Variants in DPP10 observed in about 807,000 individuals in gnomAD.
The protein encoded by DPP10 is inactive dipeptidyl peptidase 10.
Under a neutral mutation model 120.9 loss-of-function variants are expected in DPP10, and 33 were observed. The ratio of observed to expected loss-of-function variants is 0.27; its 90% CI spans 0.21 to 0.37. DPP10 has a LOEUF of 0.37. Ranked by LOEUF, DPP10 falls within the 10% of genes least tolerant of loss-of-function variation. The pLI, the probability that DPP10 is intolerant of heterozygous loss-of-function variation, is 1.00. For missense variants in DPP10, 816 were observed against 942.8 expected (o/e 0.87, Z 1.76); for synonymous variants, 337 against 326.1 (o/e 1.03, Z -0.36).
At chr2:115,303,269 T>C (rs1200410699) in intron 1 of DPP10, among the ~76,000 whole-genome samples, 1 of 152,032 alleles carries the variant, frequency 6.6e-6, no homozygotes, top group African/African-American at 2.4e-5. Context: ...GCAAAAGTTA[T>C]TTGTTTCTTG....
At chr2:115,813,519 A>G (rs972040221) in intron 19 of DPP10, among the ~76,000 whole-genome samples, 3 of 152,192 alleles carry the variant, frequency 2.0e-5, no homozygotes, top group Admixed American at 6.5e-5. Context: ...TAAAGGACCT[A>G]TCTCCAAATA....
At chr2:115,026,521 G>GT (rs1703470883) in intron 1 of DPP10, among the ~76,000 whole-genome samples, 1 of 151,606 alleles carries the variant, frequency 6.6e-6, no homozygotes, top group Non-Finnish European at 1.5e-5. Flanking sequence ...CCATATAATT[G>GT]TTTTTTCTAT....
chr2:115,745,689 T>TA (rs975508031), intron 9 of DPP10, among the ~76,000 whole-genome samples: 1 of 150,436 alleles, frequency 6.6e-6, no homozygotes, highest in Non-Finnish European at 1.5e-5. Context: ...TCTTTTTTTT[T>TA]AATTAGCCAA....
rs557187274 is a variant in DPP10 at position 115,590,267 on chromosome 2, G to A, written c.441+64295G>A. ...TGTGCCATGTTGGTGTGCCGCACCT[G>A]TTACCTCGTCATTTACATTAGGTAT... On this transcript the variant is annotated intron_variant, in intron 5 of 25. Coordinates refer to ENST00000410059, the MANE Select transcript of DPP10 (RefSeq NM_020868.6). 5.9e-5 allele frequency among the ~76,000 whole-genome samples: 9 copies of A among 151,564 alleles called. No individual in the cohort carries two copies. The South Asian group carries it at 1.7e-3, about 28-fold the overall frequency.
In DPP10 at chr2:115,842,970, G is replaced by T. The variant is rs551908145; in HGVS notation, c.*625G>T. 6.5e-6 allele frequency: 1 copy of T among 152,744 alleles called. No homozygotes were observed. Among genetic ancestry groups the T allele is most frequent in the African/African-American group, 2.4e-5 (1 of 41,558 alleles). The allele number at this position is 152,744 out of a possible 1,614,324, so 9.5% of individuals were successfully genotyped here. ...ATCAGTAGATACAATATCTTTAAATGAACACACGAGTGTATGTCTCACAAT... is the reference window on the plus strand; with the variant it reads ...ATCAGTAGATACAATATCTTTAAATTAACACACGAGTGTATGTCTCACAAT... On this transcript the variant is annotated 3_prime_UTR_variant, in exon 26 of 26. Transcript: ENST00000410059.
intron 7 of DPP10, among the ~76,000 whole-genome samples, chr2:115,714,667 A>G (rs540724179): frequency 1.3e-5 from 2 of 152,240 alleles, no homozygotes; most frequent in Middle Eastern, 3.4e-3. Flanking sequence ...AGCATTTTCA[A>G]CATGTGTCAT....
In DPP10 at chr2:115,525,984, ATCT is replaced by A. The variant is rs767993052; in HGVS notation, c.441+17_441+19del. ...ATGATGTCAAACAGGTAAAGGAGTG[ATCT>A]TCTTTGAGAATACTTTTCTTTGTGA... On this transcript the variant is annotated intron_variant, in intron 5 of 25. Coordinates refer to ENST00000410059, the MANE Select transcript of DPP10 (RefSeq NM_020868.6). 5 of 1,587,610 alleles carry A rather than the reference ATCT, an allele frequency of 3.1e-6. No homozygotes were observed. The highest frequency in any genetic ancestry group is 3.4e-6 in the Non-Finnish European group (4 of 1,164,266).
chr2:115,684,089 A>G (rs2090833906), intron 5 of DPP10, among the ~76,000 whole-genome samples: 1 of 151,962 alleles, frequency 6.6e-6, no homozygotes, highest in Non-Finnish European at 1.5e-5. Context: ...AGTGAACATT[A>G]AGTAAGAAAT....
chr2:115,482,212 T>G (rs764884326), intron 3 of DPP10, among the ~76,000 whole-genome samples: 1 of 151,930 alleles, frequency 6.6e-6, no homozygotes, highest in Admixed American at 6.6e-5. Context: ...TAGCATAAAA[T>G]TCACCCTTTT....
At chr2:115,120,262 G>A (rs570520919) in intron 1 of DPP10, among the ~76,000 whole-genome samples, 1 of 152,290 alleles carries the variant, frequency 6.6e-6, no homozygotes, top group Admixed American at 6.5e-5. Flanking sequence ...CCTATGAGAA[G>A]GGGGGTTAAT....
intron 3 of DPP10, among the ~76,000 whole-genome samples, chr2:115,459,938 T>C (rs1851153): frequency 0.16 from 20,974 of 128,538 alleles, 3,735 homozygotes; most frequent in African/African-American, 0.42. Flanking sequence ...TATATATATA[T>C]ACACACACAC....
intron 1 of DPP10, among the ~76,000 whole-genome samples, chr2:114,939,288 G>A (rs1030764219): frequency 2.0e-5 from 3 of 151,982 alleles, no homozygotes; most frequent in African/African-American, 4.8e-5. Flanking sequence ...GGGTGGTTAG[G>A]CATCCTCTTG....
At chr2:115,795,685 TC>T (rs1264842960) in intron 19 of DPP10, among the ~76,000 whole-genome samples, 1 of 152,106 alleles carries the variant, frequency 6.6e-6, no homozygotes, top group African/African-American at 2.4e-5. Context: ...AAGTAACTGA[TC>T]ATTCACAATG....
At chr2:115,810,094 G>A (rs532082388) in intron 19 of DPP10, among the ~76,000 whole-genome samples, 9 of 151,742 alleles carry the variant, frequency 5.9e-5, no homozygotes, top group South Asian at 2.1e-4. Flanking sequence ...CCCGGGAGGC[G>A]GATCTGGCAG....
At chr2:115,466,200 C>G (rs914371021) in intron 3 of DPP10, among the ~76,000 whole-genome samples, 4 of 152,174 alleles carry the variant, frequency 2.6e-5, no homozygotes, top group African/African-American at 9.6e-5. Context: ...GAAATCCTGT[C>G]TCCCTATCTC....
At chr2:114,685,097 C>A (rs950751892) in intron 1 of DPP10, among the ~76,000 whole-genome samples, 1 of 151,894 alleles carries the variant, frequency 6.6e-6, no homozygotes, top group African/African-American at 2.4e-5. Context: ...TTCCAGATAT[C>A]CTCATTTTCT....
intron 3 of DPP10, among the ~76,000 whole-genome samples, chr2:115,388,501 G>C (rs1271307540): frequency 6.6e-6 from 1 of 152,178 alleles, no homozygotes; most frequent in Non-Finnish European, 1.5e-5. Flanking sequence ...CAGAGTTGTA[G>C]CAGTGGAGAT....
chr2:115,168,596 C>A (rs2053081179), intron 1 of DPP10, among the ~76,000 whole-genome samples: 1 of 152,154 alleles, frequency 6.6e-6, no homozygotes, highest in African/African-American at 2.4e-5. Flanking sequence ...GTTTATTTGT[C>A]CCTATCTAAT....
chr2:115,033,946 G>A (rs1314018663), intron 1 of DPP10, among the ~76,000 whole-genome samples: 3 of 123,068 alleles, frequency 2.4e-5, no homozygotes, highest in South Asian at 2.5e-4. Context: ...TCACCAGGCT[G>A]TAGTGCAGTG....
Sources: allele counts gnomAD v4.1 joint callset (sites outside exome capture counted in the v4.1 genomes callset), GRCh38; gene constraint gnomAD v4.1.1; transcripts MANE v1.5; gene names NCBI Gene and HGNC (gene_info 2026-07-23, HGNC 2026-07-21).